HLF: variants seen among roughly 807,000 people sequenced by gnomAD.
HLF encodes HLF transcription factor, PAR bZIP family member.
A neutral mutation model predicts 22.6 loss-of-function variants in HLF; 3 were observed. That is an observed-to-expected ratio of 0.13 (90% CI 0.06 to 0.34). The LOEUF is 0.34. Among genes scored for constraint, HLF ranks in the 10% least tolerant of loss-of-function variants. The pLI, the probability that HLF is intolerant of heterozygous loss-of-function variation, is 1.00. For missense variants in HLF, 299 were observed against 389.2 expected, an observed-to-expected ratio of 0.77 and a Z score of 1.95; for synonymous variants, 151 against 151.8, an observed-to-expected ratio of 0.99 and a Z score of 0.04.
At chr17:55,305,354 AG>A (rs1377898131) in intron 2 of HLF, among the ~76,000 whole-genome samples, 1 of 152,194 alleles carries the variant, frequency 6.6e-6, no homozygotes, top group African/African-American at 2.4e-5. Context: ...AGGTAAAAGA[AG>A]GGAGGGAAAG....
Position 55,320,526 on chromosome 17 carries a change from A to T in HLF, c.673-138A>T. 1.5e-6 allele frequency: 1 copy of T among 671,440 alleles called. No homozygotes were observed. The highest frequency in any genetic ancestry group is 2.8e-5 in the East Asian group (1 of 36,160). The allele number at this position is 671,440 out of a possible 1,614,324, so 41.6% of individuals were successfully genotyped here. On this transcript the variant is annotated intron_variant, in intron 3 of 3. Coordinates refer to ENST00000226067, the MANE Select transcript of HLF (RefSeq NM_002126.5). This position sits in a 1 kb window ranked among gnomAD's most constrained non-coding sequence, Gnocchi z 4.2. ...ACACTCTCAGACATGCAGAAACTGT[A>T]AAGGAAGGAGACACAAGCTAAGAAA...
At chr17:55,282,680 A>G (rs2080964838) in intron 2 of HLF, among the ~76,000 whole-genome samples, 1 of 152,210 alleles carries the variant, frequency 6.6e-6, no homozygotes, top group Non-Finnish European at 1.5e-5. Flanking sequence ...TTTCTTGTCT[A>G]TAAAATGTAG....
At chr17:55,289,647 G>A (rs1330710445) in intron 2 of HLF, among the ~76,000 whole-genome samples, 1 of 152,014 alleles carries the variant, frequency 6.6e-6, no homozygotes, top group African/African-American at 2.4e-5. Flanking sequence ...TTTTAAATGT[G>A]GCAAACATCC....
chr17:55,291,066 G>A (rs1220937511), intron 2 of HLF, among the ~76,000 whole-genome samples: 2 of 152,216 alleles, frequency 1.3e-5, no homozygotes, highest in Non-Finnish European at 2.9e-5. Flanking sequence ...GTTTGAGCTA[G>A]CAGAGGTTGG....
At chr17:55,284,780 C>T (rs1248863864) in intron 2 of HLF, among the ~76,000 whole-genome samples, 1 of 152,154 alleles carries the variant, frequency 6.6e-6, no homozygotes, top group Non-Finnish European at 1.5e-5. Flanking sequence ...GCTCCTGCCC[C>T]CAACACCCTG....
intron 2 of HLF, among the ~76,000 whole-genome samples, chr17:55,293,981 A>G (rs920479109): frequency 6.6e-6 from 1 of 152,132 alleles, no homozygotes; most frequent in South Asian, 2.1e-4. Context: ...GGACACAGAG[A>G]GGGTAGTTTT....
At position 55,267,807 on chromosome 17, in the gene HLF, A is replaced by C; in HGVS notation, c.172A>C (p.Thr58Pro). Residue 58 changes from threonine to proline, a missense_variant, in exon 2 of 4, where the codon ACG (threonine) becomes CCG (proline). Physicochemically the swap from Thr to Pro is conservative, Grantham distance 38. Transcript: ENST00000226067. ...KKLDDESNSP[T>P]VPQSAFLGPT... ...GCTGGATGATGAGAGTAACAGCCCG[A>C]CGGTCCCCCAGTCGGCATTCCTGGG... The C allele has an allele frequency of 6.2e-7, 1 of 1,611,316 alleles. No homozygotes were observed. The highest frequency in any genetic ancestry group is 1.1e-5 in the South Asian group (1 of 91,024).
At position 55,323,120 on chromosome 17, in the gene HLF, G is replaced by C. The variant is rs979891781; in HGVS notation, c.*2241G>C. The C allele has an allele frequency of 9.2e-6, 2 of 217,970 alleles. No individual in the cohort carries two copies. The highest frequency in any genetic ancestry group is 2.2e-5 in the African/African-American group (1 of 44,502). The allele number at this position is 217,970 out of a possible 1,614,324, so 13.5% of individuals were successfully genotyped here. On this transcript the variant is annotated 3_prime_UTR_variant, in exon 4 of 4. Coordinates refer to ENST00000226067, the MANE Select transcript of HLF (RefSeq NM_002126.5). ...CCCAACCAGTAGGATATTTCTACAAGGTGTTCATTTTGTCACAAGCTGTAG... is the reference window on the plus strand; with the variant it reads ...CCCAACCAGTAGGATATTTCTACAACGTGTTCATTTTGTCACAAGCTGTAG...
chr17:55,284,885 A>G (rs1489485670), intron 2 of HLF, among the ~76,000 whole-genome samples: 1 of 152,246 alleles, frequency 6.6e-6, no homozygotes, highest in East Asian at 1.9e-4. Context: ...AGCAGGGGCC[A>G]CTAATCCCCT....
intron 2 of HLF, among the ~76,000 whole-genome samples, chr17:55,269,702 A>G (rs1055632684): frequency 2.0e-5 from 3 of 152,140 alleles, no homozygotes; most frequent in Non-Finnish European, 4.4e-5. Flanking sequence ...TGAGTCTTCT[A>G]TTTGTGGAAG....
intron 2 of HLF, chr17:55,283,483 T>G (rs1009830462): frequency 6.6e-6 from 1 of 152,272 alleles, no homozygotes; most frequent in Non-Finnish European, 1.5e-5. Flanking sequence ...GTAGTTGTCC[T>G]TCTACTGGGC....
intron 2 of HLF, among the ~76,000 whole-genome samples, chr17:55,290,545 A>G (rs898420433): frequency 1.3e-5 from 2 of 152,228 alleles, no homozygotes; most frequent in Admixed American, 6.5e-5. Context: ...GGTGAACTTC[A>G]TAAATGTTAC....
Position 55,275,978 on chromosome 17 carries a change from C to T in HLF, c.451+7892C>T, listed in dbSNP as rs145684632. 1.3e-4 allele frequency among the ~76,000 whole-genome samples: 20 copies of T among 152,186 alleles called. No individual in the cohort carries two copies. The East Asian group carries it at 1.7e-3, about 13-fold the overall frequency. On this transcript the variant is annotated intron_variant, in intron 2 of 3. Coordinates refer to ENST00000226067, the MANE Select transcript of HLF (RefSeq NM_002126.5). ...AAAATATTAGCTGGATATGGTGGCA[C>T]GTGCCTGTAGTCTTGGCTACTTGGG...
intron 2 of HLF, among the ~76,000 whole-genome samples, chr17:55,271,332 T>G (rs1315538920): frequency 6.6e-6 from 1 of 152,214 alleles, no homozygotes; most frequent in Non-Finnish European, 1.5e-5. Flanking sequence ...GCAGAGTAGT[T>G]TACCAAACAA....
chr17:55,321,121 A>G lies in HLF; in HGVS notation c.*242A>G, dbSNP rs1002116789. On this transcript the variant is annotated 3_prime_UTR_variant, in exon 4 of 4. Transcript: ENST00000226067. Reference sequence around the variant, plus strand: ...CTTGCCATTTTAAGGTAGCCCTCTCATCGTCTTTTAGTTCCAACAAAGAAA... The same window carrying G: ...CTTGCCATTTTAAGGTAGCCCTCTCGTCGTCTTTTAGTTCCAACAAAGAAA... 3.7e-5 allele frequency: 17 copies of G among 463,958 alleles called. No individual in the cohort carries two copies. In the East Asian group the frequency reaches 4.8e-4, roughly 13 times the overall value. 28.7% of individuals were successfully genotyped at this position (463,958 alleles called of 1,614,324 possible). A position where few individuals can be genotyped will look rare whatever the true frequency, so the allele number is the denominator to read the frequency against.
Position 55,268,020 on chromosome 17 carries a change from C to T in HLF, c.385C>T (p.Arg129Trp), listed in dbSNP as rs757474218. The change falls in exon 2 of 4, where the codon CGG becomes TGG. Residue 129 changes from arginine (R) to tryptophan (W), a missense_variant. This residue lies in a region of HLF where 224 missense variants were observed against 298.1 expected (regional missense o/e 0.75). Transcript: ENST00000226067. ...CCCCTCGGTCATGGACCTCAGCAGC[C>T]GGGCCTCTGCACCCCTTCACCCTGG... The part of the protein sequence containing the change: ...AAPSVMDLSS[R>W]ASAPLHPGIP... The T allele has an allele frequency of 5.0e-6, 8 of 1,611,152 alleles. No individual in the cohort carries two copies. The African/African-American group carries it at 5.3e-5, about 11-fold the overall frequency.
intron 2 of HLF, among the ~76,000 whole-genome samples, chr17:55,295,087 A>G (rs2081100173): frequency 6.6e-6 from 1 of 152,210 alleles, no homozygotes; most frequent in African/African-American, 2.4e-5. Context: ...GAAGCTTATG[A>G]ATGGCGAAGA....
intron 2 of HLF, among the ~76,000 whole-genome samples, chr17:55,273,942 C>T (rs2080880795): frequency 6.6e-6 from 1 of 152,142 alleles, no homozygotes; most frequent in Non-Finnish European, 1.5e-5. Context: ...CTCTCTCCTG[C>T]CTGTCTGCCC....
chr17:55,316,344 C>G (rs146285398), intron 3 of HLF, among the ~76,000 whole-genome samples: 407 of 152,314 alleles, frequency 2.7e-3, no homozygotes, highest in African/African-American at 9.4e-3. Flanking sequence ...GTCTGCCCCC[C>G]ATCTCTCAAA....
Sources: allele counts gnomAD v4.1 joint callset (sites outside exome capture counted in the v4.1 genomes callset), GRCh38; gene constraint gnomAD v4.1.1; regional missense constraint gnomAD v4.1.1; non-coding constraint Gnocchi (gnomAD v3.1); transcripts MANE v1.5; gene names NCBI Gene and HGNC (gene_info 2026-07-23, HGNC 2026-07-21).